Variants in CERT1 observed in about 807,000 individuals in gnomAD.
CERT1 encodes the protein ceramide transfer protein.
CERT1 carries 31 observed loss-of-function variants against 87.9 expected under a neutral mutation model. The observed-to-expected ratio is 0.35, with a 90% CI of 0.27 to 0.48. CERT1 has a LOEUF of 0.48. Ranked by LOEUF, CERT1 falls within the 20% of genes least tolerant of loss-of-function variation. CERT1 has a pLI of 0.99. For synonymous variants in CERT1, 289 were observed against 250.9 expected, an observed-to-expected ratio of 1.15 and a Z score of -1.44; for missense variants, 487 against 758.0, an observed-to-expected ratio of 0.64 and a Z score of 4.20.
At chr5:75,407,124 A>T (rs569919438) in intron 8 of CERT1, among the ~76,000 whole-genome samples, 2 of 152,340 alleles carry the variant, frequency 1.3e-5, no homozygotes, top group South Asian at 4.1e-4. Flanking sequence ...TAGTGAGAAA[A>T]AAAATAATTA....
intron 7 of CERT1, among the ~76,000 whole-genome samples, chr5:75,413,152 C>T (rs1762998985): frequency 6.6e-6 from 1 of 151,992 alleles, no homozygotes. Context: ...TTAGCCTAGG[C>T]CTACACAGGG....
intron 2 of CERT1, among the ~76,000 whole-genome samples, chr5:75,488,094 T>C (rs2112416466): frequency 6.6e-6 from 1 of 152,052 alleles, no homozygotes; most frequent in East Asian, 1.9e-4. Flanking sequence ...GGTTAATAAG[T>C]ACAAAAATAT....
intron 1 of CERT1, among the ~76,000 whole-genome samples, chr5:75,508,862 G>A (rs552905063): frequency 1.0e-3 from 152 of 152,100 alleles, no homozygotes; most frequent in African/African-American, 3.4e-3. Flanking sequence ...AAAAACAGAA[G>A]GTAAACCATG....
intron 3 of CERT1, among the ~76,000 whole-genome samples, chr5:75,430,026 GA>G (rs1225670676): frequency 4.9e-5 from 7 of 143,094 alleles, no homozygotes; most frequent in African/African-American, 2.6e-5. Flanking sequence ...GGTCAAAATG[GA>G]AAAAAAAAAG....
Position 75,372,156 on chromosome 5 carries a change from C to T in CERT1, c.*10-3498G>A, listed in dbSNP as rs1049950427. 5.9e-5 allele frequency: 9 copies of T among 152,294 alleles called. No homozygotes were observed. In the East Asian group the frequency reaches 1.5e-3, roughly 26 times the overall value. The allele number at this position is 152,294 out of a possible 1,614,324, so 9.4% of individuals were successfully genotyped here. A position where few individuals can be genotyped will look rare whatever the true frequency, so the allele number is the denominator to read the frequency against. ...GATATTGCTTTGTAAACTTGCCATACTTCTGTAAAATAAAGCTATCCAATT... is the reference window on the plus strand; with the variant it reads ...GATATTGCTTTGTAAACTTGCCATATTTCTGTAAAATAAAGCTATCCAATT... On this transcript the variant is annotated intron_variant, in intron 17 of 17. Transcript: ENST00000261415.
At chr5:75,510,945 G>A (rs1561316211) in intron 1 of CERT1, among the ~76,000 whole-genome samples, 167 bp downstream of exon 1, 1 of 152,116 alleles carries the variant, frequency 6.6e-6, no homozygotes, top group African/African-American at 2.4e-5. Context: ...CGGGCAACAA[G>A]GACAGTGCCC....
At chr5:75,393,627 A>AAAAAAAAAAAAAAAAAAAAAT in intron 11 of CERT1, among the ~76,000 whole-genome samples, 1 of 145,904 alleles carries the variant, frequency 6.9e-6, no homozygotes, top group East Asian at 2.0e-4. Context: ...AAAAAAAGAA[A>AAAAAAAAAAAAAAAAAAAAAT]GTCTAGAAGG....
chr5:75,459,318 C>T (rs1765130500), intron 2 of CERT1, 137 bp from the exon 3 acceptor site: 1 of 600,594 alleles, frequency 1.7e-6, no homozygotes, highest in Non-Finnish European at 3.0e-6. Context: ...GCTCAAATAA[C>T]TTGTCTGAAG....
intron 2 of CERT1, among the ~76,000 whole-genome samples, chr5:75,488,336 A>C: frequency 6.6e-6 from 1 of 151,864 alleles, no homozygotes; most frequent in East Asian, 1.9e-4. Flanking sequence ...TACTCATAAT[A>C]TTTTTTTTAA....
At chr5:75,491,163 AT>A (rs1205994814) in intron 2 of CERT1, among the ~76,000 whole-genome samples, 4 of 151,892 alleles carry the variant, frequency 2.6e-5, no homozygotes, top group Non-Finnish European at 5.9e-5. Flanking sequence ...ATTTGGGGGC[AT>A]TTTTTCAATA....
chr5:75,426,618 A>T (rs538196281), intron 3 of CERT1, 140 bp from the exon 4 acceptor site: 2 of 602,446 alleles, frequency 3.3e-6, no homozygotes, highest in African/African-American at 3.7e-5. Context: ...ATCCACTGAC[A>T]TAAGCAATGC....
downstream of CERT1, chr5:75,374,436 G>A: frequency 1.6e-6 from 1 of 618,228 alleles, no homozygotes. Context: ...AACGGGAACA[G>A]TCCTCTCTAC....
chr5:75,399,390 A>C lies in CERT1; in HGVS notation c.1111-3T>G. 6.2e-7 allele frequency: 1 copy of C among 1,611,476 alleles called. No homozygotes were observed. Among genetic ancestry groups the C allele is most frequent in the East Asian group, 2.2e-5 (1 of 44,828 alleles). On this transcript the variant is annotated splice_polypyrimidine_tract_variant and splice_region_variant and intron_variant, in intron 10 of 16. Transcript: ENST00000643780. ...ATGGAGGAAGAGCGACTATAGGGCTACCAGAGACAGACAAAGAAAAAACCA... is the reference window on the plus strand; with the variant it reads ...ATGGAGGAAGAGCGACTATAGGGCTCCCAGAGACAGACAAAGAAAAAACCA...
intron 9 of CERT1, chr5:75,401,389 C>A (rs1762466392): frequency 1.3e-5 from 2 of 152,144 alleles, no homozygotes; most frequent in African/African-American, 4.8e-5. Context: ...CTTTGTTTCA[C>A]AGATTAGAAA....
At chr5:75,389,834 T>C (rs1327237579) in intron 11 of CERT1, 147 bp from the exon 12 acceptor site, 1 of 603,548 alleles carries the variant, frequency 1.7e-6, no homozygotes, top group African/African-American at 1.8e-5. Flanking sequence ...TTTTACATAG[T>C]GTTTGAAGAG....
At chr5:75,430,734 C>T (rs1218229548) in intron 3 of CERT1, among the ~76,000 whole-genome samples, 1 of 150,654 alleles carries the variant, frequency 6.6e-6, no homozygotes, top group African/African-American at 2.4e-5. Context: ...GCAATCAGTT[C>T]ACAAAAAAAA....
chr5:75,384,581 T>C, intron 14 of CERT1, 61 bp downstream of exon 14: 1 of 1,169,964 alleles, frequency 8.5e-7, no homozygotes, highest in East Asian at 2.4e-5. Context: ...CTTTAGAGAA[T>C]CTATATGTCT....
At chr5:75,442,918 TAAA>T (rs1225244152) in intron 3 of CERT1, among the ~76,000 whole-genome samples, 1 of 152,202 alleles carries the variant, frequency 6.6e-6, no homozygotes, top group Non-Finnish European at 1.5e-5. Context: ...GCCAAATTTC[TAAA>T]ATAAACTTTA....
At chr5:75,381,224 A>C in intron 15 of CERT1, 23 bp from the exon 16 acceptor site, 1 of 1,613,872 alleles carries the variant, frequency 6.2e-7, no homozygotes, top group Non-Finnish European at 8.5e-7. Flanking sequence ...AAAACAAAGC[A>C]TCAGTAGATA....
Sources: gnomAD v4.1 joint callset for allele counts (sites outside exome capture counted in the v4.1 genomes callset) on GRCh38, gnomAD v4.1.1 for gene constraint, MANE v1.5 for transcripts, NCBI Gene and HGNC (gene_info 2026-07-23, HGNC 2026-07-21) for gene names.